The following KALRN variants were observed in gnomAD, a reference collection of about 807,000 sequenced individuals.
The protein encoded by KALRN is kalirin RhoGEF kinase, also known as kalirin.
In KALRN, 70 loss-of-function variants were observed where a neutral mutation model predicts 353.7. That is an observed-to-expected ratio of 0.20 (90% CI 0.16 to 0.24). KALRN has a LOEUF of 0.24. Ranked by LOEUF, KALRN falls within the 10% of genes least tolerant of loss-of-function variation. The pLI, the probability that KALRN is intolerant of heterozygous loss-of-function variation, is 1.00. For missense variants in KALRN, 2,791 were observed against 3,756.7 expected, an observed-to-expected ratio of 0.74 and a Z score of 6.72; for synonymous variants, 1,391 against 1,434.8, an observed-to-expected ratio of 0.97 and a Z score of 0.69.
chr3:124,542,915 A>G (rs1001482719), intron 33 of KALRN, among the ~76,000 whole-genome samples: 3 of 152,200 alleles, frequency 2.0e-5, no homozygotes, highest in African/African-American at 7.2e-5. Flanking sequence ...TTTCTGGCCC[A>G]GGGTTTCTTG....
chr3:124,596,137 A>C (rs2076240393), intron 34 of KALRN, among the ~76,000 whole-genome samples: 2 of 151,510 alleles, frequency 1.3e-5, no homozygotes, highest in African/African-American at 2.4e-5. Flanking sequence ...AATAGCTCAC[A>C]GTTTTTTCAT....
chr3:124,415,103 G>A (rs561580414), intron 14 of KALRN, among the ~76,000 whole-genome samples: 2 of 152,208 alleles, frequency 1.3e-5, no homozygotes, highest in African/African-American at 2.4e-5. Context: ...ACCCAGGCCT[G>A]TTTCACAGGT....
At chr3:124,668,581 A>G (rs1253886308) in intron 47 of KALRN, among the ~76,000 whole-genome samples, 5 of 152,226 alleles carry the variant, frequency 3.3e-5, no homozygotes, top group African/African-American at 1.2e-4. Context: ...ACTTTTTAAG[A>G]TAGAACATGA....
intron 33 of KALRN, among the ~76,000 whole-genome samples, chr3:124,521,425 C>G (rs1332397643): frequency 6.6e-6 from 1 of 152,120 alleles, no homozygotes; most frequent in Non-Finnish European, 1.5e-5. Context: ...GCTAGTTGCC[C>G]AAGCAATTTG....
chr3:124,588,823 G>A (rs1428236081), intron 34 of KALRN, among the ~76,000 whole-genome samples: 2 of 152,188 alleles, frequency 1.3e-5, no homozygotes, highest in African/African-American at 4.8e-5. Flanking sequence ...TCCACAGTGT[G>A]CATGGGATTT....
At chr3:124,140,680 T>C (rs2149784490) in intron 1 of KALRN, among the ~76,000 whole-genome samples, 1 of 152,212 alleles carries the variant, frequency 6.6e-6, no homozygotes, top group Non-Finnish European at 1.5e-5. Flanking sequence ...CTTCACTTGC[T>C]CTACTGATGG....
chr3:124,623,619 A>G (rs1427825144), intron 34 of KALRN, among the ~76,000 whole-genome samples: 7 of 152,128 alleles, frequency 4.6e-5, no homozygotes, highest in Admixed American at 3.9e-4. Flanking sequence ...TTCACGTTTT[A>G]TCTGCCTGCT....
At chr3:124,141,715 C>T (rs978407961) in intron 1 of KALRN, among the ~76,000 whole-genome samples, 11 of 152,214 alleles carry the variant, frequency 7.2e-5, no homozygotes, top group African/African-American at 2.7e-4. Context: ...ATTCTTTCTG[C>T]GTTCTCACCT....
intron 34 of KALRN, among the ~76,000 whole-genome samples, chr3:124,573,304 G>A (rs983052437): frequency 1.3e-5 from 2 of 152,162 alleles, no homozygotes; most frequent in South Asian, 4.1e-4. Flanking sequence ...TTGATTAATA[G>A]CACTTAAACT....
chr3:124,267,759 T>G lies in KALRN; in HGVS notation c.457-984T>G, dbSNP rs2073734041. 3.9e-5 allele frequency among the ~76,000 whole-genome samples: 6 copies of G among 152,258 alleles called. No individual in the cohort carries two copies. In the South Asian group the frequency reaches 1.2e-3, roughly 32 times the overall value. On this transcript the variant is annotated intron_variant, in intron 4 of 59. Transcript: ENST00000682506. ...CAGAGAGATAAATTGCTTTTCAGGT[T>G]TTGAGTAATGATGCAGCCTTCAGAT...
chr3:124,083,911 G>A (rs1385537309), intron 1 of KALRN, among the ~76,000 whole-genome samples: 9 of 152,232 alleles, frequency 5.9e-5, no homozygotes, highest in Admixed American at 5.9e-4. Context: ...CCTTGCCTCA[G>A]TGGATGGTTT....
chr3:124,265,786 C>T (rs536950185), intron 4 of KALRN, among the ~76,000 whole-genome samples: 25 of 152,154 alleles, frequency 1.6e-4, no homozygotes, highest in African/African-American at 6.0e-4. Context: ...TAGGTTGTAT[C>T]CTTGCTAGCC....
chr3:124,119,595 G>A (rs1294604126), intron 1 of KALRN, among the ~76,000 whole-genome samples: 3 of 152,350 alleles, frequency 2.0e-5, no homozygotes, highest in East Asian at 3.9e-4. Context: ...AAGGATGGGG[G>A]AGGAGGCAGG....
rs139841371 is a variant in KALRN at position 124,217,521 on chromosome 3, A to G, written c.74-10469A>G. ...ACCTTTGCTTCTTGGTTACCACAAT[A>G]ACTTGAAAACAATACCAAAAAAACC... On this transcript the variant is annotated intron_variant, in intron 1 of 59. Coordinates refer to ENST00000682506, the MANE Select transcript of KALRN (RefSeq NM_001388419.1). 2.9e-4 allele frequency among the ~76,000 whole-genome samples: 44 copies of G among 152,228 alleles called. No individual in the cohort carries two copies. The East Asian group carries it at 7.9e-3, about 27-fold the overall frequency.
chr3:124,148,846 G>A (rs918750666), intron 1 of KALRN, among the ~76,000 whole-genome samples: 3 of 152,244 alleles, frequency 2.0e-5, no homozygotes, highest in East Asian at 1.9e-4. Flanking sequence ...ATTCTGGCTA[G>A]CAAGGAAGAT....
intron 1 of KALRN, among the ~76,000 whole-genome samples, chr3:124,136,257 A>C (rs2065905328): frequency 2.6e-5 from 4 of 152,074 alleles, no homozygotes; most frequent in African/African-American, 9.7e-5. Context: ...AAACTTGAGC[A>C]CACATCAGAA....
intron 5 of KALRN, among the ~76,000 whole-genome samples, chr3:124,284,327 G>A (rs1167657374): frequency 6.6e-6 from 1 of 152,016 alleles, no homozygotes; most frequent in Non-Finnish European, 1.5e-5. Context: ...TCCTACTATG[G>A]CTTCTTACAA....
At chr3:124,102,792 CTT>C (rs1334625606) in intron 1 of KALRN, among the ~76,000 whole-genome samples, 1 of 152,220 alleles carries the variant, frequency 6.6e-6, no homozygotes, top group African/African-American at 2.4e-5. Flanking sequence ...TAATAAATAA[CTT>C]TGGCTAACAG....
At chr3:124,549,717 G>A (rs972174325) in intron 33 of KALRN, among the ~76,000 whole-genome samples, 2 of 152,144 alleles carry the variant, frequency 1.3e-5, no homozygotes, top group African/African-American at 4.8e-5. Flanking sequence ...GGACATCACT[G>A]TAGAAATCAC....
Sources: allele counts gnomAD v4.1 joint callset (sites outside exome capture counted in the v4.1 genomes callset), GRCh38; gene constraint gnomAD v4.1.1; transcripts MANE v1.5; gene names NCBI Gene and HGNC (gene_info 2026-07-23, HGNC 2026-07-21).